Variants in FXYD2 observed in about 807,000 individuals in gnomAD.
FXYD2 encodes the protein FXYD domain containing ion transport regulator 2.
FXYD2 carries 8 observed loss-of-function variants against 11.8 expected under a neutral mutation model. The ratio of observed to expected loss-of-function variants is 0.68; its 90% CI spans 0.40 to 1.22. The LOEUF (loss-of-function observed/expected upper bound fraction) is 1.22, where lower values mean the gene tolerates loss of function less well. Ranked by LOEUF, FXYD2 falls within the 50% of genes most tolerant of loss-of-function variation. The probability of loss-of-function intolerance (pLI) is 0.01; values close to 1 mark genes in which losing one functional copy is unlikely to be tolerated. For synonymous variants in FXYD2, 42 were observed against 33.3 expected, an observed-to-expected ratio of 1.26 and a Z score of -0.90; for missense variants, 92 against 91.8, an observed-to-expected ratio of 1.00 and a Z score of -0.01.
Position 117,821,450 on chromosome 11 carries a change from G to A in FXYD2, c.140-555C>T, listed in dbSNP as rs530517751. 1.2e-4 allele frequency: 123 copies of A among 986,752 alleles called. No homozygotes were observed. The African/African-American group carries it at 1.8e-3, about 15-fold the overall frequency. The allele number at this position is 986,752 out of a possible 1,614,324, so 61.1% of individuals were successfully genotyped here. A position where few individuals can be genotyped will look rare whatever the true frequency, so the allele number is the denominator to read the frequency against. ...CAAATATTTACTGGAGCAGATCCAC[G>A]GTGGTCTGTTGGCATATCGAGAGTA... On this transcript the variant is annotated intron_variant, in intron 3 of 5. Coordinates refer to ENST00000292079, the MANE Select transcript of FXYD2 (RefSeq NM_001680.5).
chr11:117,823,255 A>G (rs145580136), intron 1 of FXYD2, among the ~76,000 whole-genome samples: 1 of 152,246 alleles, frequency 6.6e-6, no homozygotes, highest in Admixed American at 6.5e-5. Flanking sequence ...AAGCAGATCT[A>G]GTTAAGAAAC....
upstream of FXYD2, among the ~76,000 whole-genome samples, chr11:117,825,450 T>A (rs137947458): frequency 1.4e-4 from 22 of 152,320 alleles, no homozygotes; most frequent in East Asian, 3.9e-3. Flanking sequence ...GCATGCAGGA[T>A]CCTTAAGGAC....
chr11:117,822,899 C>A lies in FXYD2; in HGVS notation c.26-182G>T, dbSNP rs2055944330. ...AGCAGGCTTCTGCTCCAGGCGGCTT[C>A]AGACACGCTCAACTGGGGACCAAAT... On this transcript the variant is annotated intron_variant, in intron 1 of 5. Transcript: ENST00000292079. The surrounding 1 kb of genome is among the most constrained non-coding windows in gnomAD (Gnocchi z 4.7). 6.6e-6 allele frequency among the ~76,000 whole-genome samples: 1 copy of A among 152,120 alleles called. No individual in the cohort carries two copies.
chr11:117,827,496 G>A (rs180700723), upstream of FXYD2, among the ~76,000 whole-genome samples: 36 of 152,262 alleles, frequency 2.4e-4, no homozygotes, highest in African/African-American at 4.3e-4. Flanking sequence ...TAATCCGCCC[G>A]CCTTGGCCTC....
rs1044857010 is a variant in FXYD2, at chr11:117,820,903, A to G, written c.140-8T>C. 2.0e-5 allele frequency: 33 copies of G among 1,613,960 alleles called. No individual in the cohort carries two copies. The highest frequency in any genetic ancestry group is 4.0e-5 in the African/African-American group (3 of 74,872). ...CACAGCGGAATCTTCTGCCTTGAAA[A>G]GAGAAAAGGAGATTTGTTTCCATGG... On this transcript the variant is annotated splice_polypyrimidine_tract_variant and splice_region_variant and intron_variant, in intron 3 of 5. Coordinates refer to ENST00000292079, the MANE Select transcript of FXYD2 (RefSeq NM_001680.5).
upstream of FXYD2, chr11:117,824,817 T>C (rs2056000296): frequency 8.8e-7 from 1 of 1,134,506 alleles, no homozygotes. The surrounding 1 kb of genome is among the most constrained non-coding windows in gnomAD (Gnocchi z 4.0). Context: ...ATATTTACCC[T>C]GGTCACAAGA....
chr11:117,827,116 A>G (rs1252460834), upstream of FXYD2, among the ~76,000 whole-genome samples: 1 of 136,206 alleles, frequency 7.3e-6, no homozygotes, highest in Non-Finnish European at 1.6e-5. Flanking sequence ...AGATAGATAG[A>G]TAGATAGATA....
Position 117,824,681 on chromosome 11 carries a change from C to G in FXYD2, c.-3G>C. 6.2e-7 allele frequency: 1 copy of G among 1,613,976 alleles called. No homozygotes were observed. Among genetic ancestry groups the G allele is most frequent in the African/African-American group, 1.3e-5 (1 of 75,020 alleles). ...CCGTCCATCGACAACCCAGTCATTT[C>G]CCCAGGTGAATGGGCTGCCTCCACT... On this transcript the variant is annotated 5_prime_UTR_variant, in exon 1 of 6. Coordinates refer to ENST00000292079, the MANE Select transcript of FXYD2 (RefSeq NM_001680.5). This position sits in a 1 kb window ranked among gnomAD's most constrained non-coding sequence, Gnocchi z 4.0.
chr11:117,820,522 C>T, intron 5 of FXYD2, 144 bp downstream of exon 5: 1 of 1,020,126 alleles, frequency 9.8e-7, no homozygotes, highest in Non-Finnish European at 1.5e-6. Flanking sequence ...TCATTTTAAA[C>T]ACACGATGGG....
At chr11:117,827,795 G>A (rs201750922), upstream of FXYD2, among the ~76,000 whole-genome samples, 17 of 152,310 alleles carry the variant, frequency 1.1e-4, no homozygotes, top group East Asian at 1.3e-3. Context: ...CCCAGCCCTC[G>A]CAGCTCAGAT....
At chr11:117,821,448 AC>A in intron 3 of FXYD2, 1 of 986,818 alleles carries the variant, frequency 1.0e-6, no homozygotes, top group Non-Finnish European at 1.2e-6. Flanking sequence ...GAGCAGATCC[AC>A]GGTGGTCTGT....
Position 117,820,368 on chromosome 11 carries a change from C to T in FXYD2, c.*11G>A, listed in dbSNP as rs986854821. The T allele has an allele frequency of 2.3e-5, 11 of 488,740 alleles. No homozygotes were observed. Among genetic ancestry groups the T allele is most frequent in the African/African-American group, 1.2e-4 (6 of 51,638 alleles). 30.3% of individuals were successfully genotyped at this position (488,740 alleles called of 1,614,324 possible). On this transcript the variant is annotated 3_prime_UTR_variant, in exon 6 of 6. Coordinates refer to ENST00000292079, the MANE Select transcript of FXYD2 (RefSeq NM_001680.5). ...GCCCCAGTGCAGTGGGTGGCACCGC[C>T]GAGGCTGAGAAGACAAAGGCAGGAT...
At position 117,824,744 on chromosome 11, in the gene FXYD2, T is replaced by C; in HGVS notation, c.-66A>G. 1 of 1,602,768 alleles carries C rather than the reference T, an allele frequency of 6.2e-7. No individual in the cohort carries two copies. Among genetic ancestry groups the C allele is most frequent in the Non-Finnish European group, 8.5e-7 (1 of 1,174,792 alleles). On this transcript the variant is annotated 5_prime_UTR_variant, in exon 1 of 6. Coordinates refer to ENST00000292079, the MANE Select transcript of FXYD2 (RefSeq NM_001680.5). This position sits in a 1 kb window ranked among gnomAD's most constrained non-coding sequence, Gnocchi z 4.0. The stretch of plus-strand genomic sequence containing the variant: ...CTGTCTCTGCTTTTTGGAGAGTGTC[T>C]GGCTGCCTCCACGGGGTGGCCGGGG...
At chr11:117,826,790 A>G (rs200331465), upstream of FXYD2, among the ~76,000 whole-genome samples, 1,906 of 97,232 alleles carry the variant, frequency 0.02, 27 homozygotes, top group East Asian at 0.13. Flanking sequence ...CTATCTATCT[A>G]TCTATCTATC....
upstream of FXYD2, among the ~76,000 whole-genome samples, chr11:117,826,106 A>T (rs2056030413): frequency 6.6e-6 from 1 of 152,216 alleles, no homozygotes; most frequent in African/African-American, 2.4e-5. Context: ...GGCCTGGCAC[A>T]CGGTGAGTGG....
Position 117,820,635 on chromosome 11 carries a change from C to T in FXYD2, c.*6+31G>A. The T allele has an allele frequency of 2.5e-6, 4 of 1,613,502 alleles. No homozygotes were observed. In the South Asian group the frequency reaches 4.4e-5, roughly 18 times the overall value. ...TTGCTCCCAAGCCTGCCCTGCCCTCCCCGCACCTTCCCCAGGCCCTCCTAG... is the reference window on the plus strand; with the variant it reads ...TTGCTCCCAAGCCTGCCCTGCCCTCTCCGCACCTTCCCCAGGCCCTCCTAG... On this transcript the variant is annotated intron_variant, in intron 5 of 5. Coordinates refer to ENST00000292079, the MANE Select transcript of FXYD2 (RefSeq NM_001680.5).
rs1398847160 is a variant in FXYD2, at chr11:117,822,312, T to G, written c.139+94A>C. ...GGGGCGTGGTGGGGAGGCTCACCCC[T>G]CCCTTGGCAACTCCCGAAAGCCAGC... On this transcript the variant is annotated intron_variant, in intron 3 of 5. Coordinates refer to ENST00000292079, the MANE Select transcript of FXYD2 (RefSeq NM_001680.5). The surrounding 1 kb of genome is among the most constrained non-coding windows in gnomAD (Gnocchi z 4.7). 3 of 1,547,664 alleles carry G rather than the reference T, an allele frequency of 1.9e-6. No homozygotes were observed. The highest frequency in any genetic ancestry group is 4.9e-5 in the East Asian group (2 of 40,856).
At position 117,824,428 on chromosome 11, in the gene FXYD2, G is replaced by A; in HGVS notation, c.25+226C>T. On this transcript the variant is annotated intron_variant, in intron 1 of 5. Coordinates refer to ENST00000292079, the MANE Select transcript of FXYD2 (RefSeq NM_001680.5). The surrounding 1 kb of genome is among the most constrained non-coding windows in gnomAD (Gnocchi z 4.0). ...ACGCTCAGCTCTCCAGCTTCTATCT[G>A]CTGCCTTTCTGCCACTCAAGCTATC... 1.6e-6 allele frequency: 1 copy of A among 624,628 alleles called. No homozygotes were observed. The allele number at this position is 624,628 out of a possible 1,614,324, so 38.7% of individuals were successfully genotyped here. A position where few individuals can be genotyped will look rare whatever the true frequency, so the allele number is the denominator to read the frequency against.
chr11:117,824,779 G>A (rs1261160107), upstream of FXYD2: 12 of 1,471,664 alleles, frequency 8.2e-6, no homozygotes, highest in South Asian at 3.6e-5. The surrounding 1 kb of genome is among the most constrained non-coding windows in gnomAD (Gnocchi z 4.0). Context: ...GACGAGGTGC[G>A]GGCATTAAAC....
Sources: allele counts gnomAD v4.1 joint callset (sites outside exome capture counted in the v4.1 genomes callset), GRCh38; gene constraint gnomAD v4.1.1; non-coding constraint Gnocchi (gnomAD v3.1); transcripts MANE v1.5; gene names NCBI Gene and HGNC (gene_info 2026-07-23, HGNC 2026-07-21).